The following ACBD6 variants were observed in gnomAD, a reference collection of about 807,000 sequenced individuals.
The protein encoded by ACBD6 is acyl-CoA-binding domain-containing protein 6.
ACBD6 carries 28 observed loss-of-function variants against 37.2 expected under a neutral mutation model. That is an observed-to-expected ratio of 0.75 (90% CI 0.56 to 1.03). The LOEUF is 1.03. Among genes scored for constraint, ACBD6 ranks in the 50% least tolerant of loss-of-function variants. The pLI is 0.00. For synonymous variants in ACBD6, 113 were observed against 126.8 expected (o/e 0.89, Z 0.73); for missense variants, 340 against 337.4 (o/e 1.01, Z -0.06).
At chr1:180,387,332 T>C (rs1312389718) in intron 6 of ACBD6, among the ~76,000 whole-genome samples, 2 of 152,304 alleles carry the variant, frequency 1.3e-5, no homozygotes, top group South Asian at 2.1e-4. Context: ...CCCCACACCA[T>C]CACTCCCTAT....
chr1:180,461,296 A>G (rs1650136527), intron 3 of ACBD6, among the ~76,000 whole-genome samples: 2 of 152,218 alleles, frequency 1.3e-5, no homozygotes, highest in South Asian at 4.1e-4. Context: ...CGAAAGAGCT[A>G]GGGAGAAGGG....
intron 5 of ACBD6, among the ~76,000 whole-genome samples, chr1:180,403,092 T>G (rs1031861676): frequency 6.6e-6 from 1 of 152,014 alleles, no homozygotes; most frequent in Non-Finnish European, 1.5e-5. Context: ...CACAGAGGAG[T>G]ACATATGTAT....
intron 6 of ACBD6, among the ~76,000 whole-genome samples, chr1:180,352,475 C>T (rs1029720767): frequency 1.5e-4 from 23 of 152,000 alleles, no homozygotes; most frequent in African/African-American, 5.6e-4. Context: ...AGGTGTGAGC[C>T]TCCGCACCCA....
chr1:180,448,251 C>A (rs1033453203), intron 3 of ACBD6, among the ~76,000 whole-genome samples: 2 of 152,116 alleles, frequency 1.3e-5, no homozygotes, highest in Admixed American at 6.6e-5. Flanking sequence ...ATTATTTTCA[C>A]CAATAATATA....
intron 6 of ACBD6, among the ~76,000 whole-genome samples, chr1:180,359,631 C>G (rs550904643): frequency 6.6e-6 from 1 of 152,268 alleles, no homozygotes; most frequent in East Asian, 1.9e-4. Context: ...ATGTACTCAT[C>G]ATCATATGTA....
chr1:180,496,098 G>A (rs1184805112), intron 1 of ACBD6, among the ~76,000 whole-genome samples: 2 of 152,030 alleles, frequency 1.3e-5, no homozygotes, highest in Admixed American at 6.6e-5. Context: ...ATACAATTCC[G>A]TTTTTCTACA....
At chr1:180,332,140 G>T (rs1026529192) in intron 6 of ACBD6, among the ~76,000 whole-genome samples, 1 of 152,178 alleles carries the variant, frequency 6.6e-6, no homozygotes, top group African/African-American at 2.4e-5. Context: ...AGGTTTCAGA[G>T]GGAGAATGGC....
chr1:180,495,430 A>G (rs757400788), intron 2 of ACBD6, 31 bp downstream of exon 2: 48 of 1,523,886 alleles, frequency 3.1e-5, no homozygotes, highest in Non-Finnish European at 4.2e-5. Flanking sequence ...CATTTCCAAC[A>G]ACCTCATTAA....
intron 6 of ACBD6, among the ~76,000 whole-genome samples, chr1:180,330,473 A>G (rs1651438177): frequency 6.6e-6 from 1 of 152,094 alleles, no homozygotes; most frequent in South Asian, 2.1e-4. Context: ...ATCACAAAAA[A>G]AACCTTATTT....
At chr1:180,414,141 A>T (rs188348884) in intron 4 of ACBD6, among the ~76,000 whole-genome samples, 1 of 152,334 alleles carries the variant, frequency 6.6e-6, no homozygotes, top group African/African-American at 2.4e-5. Context: ...AATGTACAGA[A>T]TTATCTTTAT....
At position 180,458,346 on chromosome 1, in the gene ACBD6, T is replaced by C. The variant is rs571674175; in HGVS notation, c.385-28084A>G. On this transcript the variant is annotated intron_variant, in intron 3 of 7. Coordinates refer to ENST00000367595, the MANE Select transcript of ACBD6 (RefSeq NM_032360.4). ...ACTCAACGCAACAGCATAAGTACTT[T>C]TAAGAACCTACTGTCTTAAACACTG... Among the ~76,000 whole-genome samples, 15 of 152,330 alleles carry C rather than the reference T, an allele frequency of 9.8e-5. 1 individual carries two copies. In the South Asian group the frequency reaches 2.7e-3, roughly 27 times the overall value.
intron 3 of ACBD6, among the ~76,000 whole-genome samples, chr1:180,474,748 T>C (rs1297993008): frequency 6.6e-6 from 1 of 152,260 alleles, no homozygotes; most frequent in African/African-American, 2.4e-5. Flanking sequence ...CTGTGTTATA[T>C]AATTTCACCT....
chr1:180,423,119 C>T (rs1174008840), intron 4 of ACBD6, among the ~76,000 whole-genome samples: 1 of 152,090 alleles, frequency 6.6e-6, no homozygotes, highest in African/African-American at 2.4e-5. Flanking sequence ...ATATTTTATG[C>T]ATTCATGCCA....
At chr1:180,477,743 A>C (rs1386559449) in intron 3 of ACBD6, among the ~76,000 whole-genome samples, 1 of 152,216 alleles carries the variant, frequency 6.6e-6, no homozygotes, top group African/African-American at 2.4e-5. Flanking sequence ...TATTTCTTTT[A>C]GCTATAGCTT....
At position 180,288,385 on chromosome 1, in the gene ACBD6, C is replaced by A; in HGVS notation, c.827G>T (p.Arg276Leu). 1 of 1,613,690 alleles carries A rather than the reference C, an allele frequency of 6.2e-7. No homozygotes were observed. Among genetic ancestry groups the A allele is most frequent in the South Asian group, 1.1e-5 (1 of 91,054 alleles). ...GCKTVSLVLQ[R>L]HTTGKA ...TGATTAAGCCTTGCCAGTTGTGTGC[C>A]GCTGCAGCACCAAAGAAACTGTTTT... Residue 276 changes from arginine to leucine, a missense_variant, in exon 8 of 8, where the codon CGG becomes CTG. Physicochemically the swap from Arg to Leu is moderately radical, Grantham distance 102. Transcript: ENST00000367595.
intron 3 of ACBD6, among the ~76,000 whole-genome samples, chr1:180,491,578 G>A (rs1360853494): frequency 3.3e-5 from 5 of 152,014 alleles, no homozygotes; most frequent in African/African-American, 1.2e-4. Context: ...CTACATAATG[G>A]CAGAAATCAT....
At chr1:180,316,342 A>G (rs1356204291) in intron 6 of ACBD6, among the ~76,000 whole-genome samples, 12 of 151,776 alleles carry the variant, frequency 7.9e-5, no homozygotes, top group Non-Finnish European at 1.5e-4. Flanking sequence ...GTGCGCACAC[A>G]CACACACACA....
intron 6 of ACBD6, among the ~76,000 whole-genome samples, chr1:180,349,907 T>C (rs1047681370): frequency 8.6e-5 from 13 of 151,812 alleles, no homozygotes; most frequent in African/African-American, 3.2e-4. Context: ...CGTAAATATT[T>C]TTTTTTCTAT....
At chr1:180,443,004 T>TC (rs58189608) in intron 3 of ACBD6, among the ~76,000 whole-genome samples, 73,859 of 152,036 alleles carry the variant, frequency 0.49, 20,769 homozygotes, top group South Asian at 0.66. Flanking sequence ...CCCACTTTTT[T>TC]TTTTCCTTTT....
Sources: allele counts gnomAD v4.1 joint callset (sites outside exome capture counted in the v4.1 genomes callset), GRCh38; gene constraint gnomAD v4.1.1; transcripts MANE v1.5; gene names NCBI Gene and HGNC (gene_info 2026-07-23, HGNC 2026-07-21).